ZPLD1: variants seen among roughly 807,000 people sequenced by gnomAD.
The protein encoded by ZPLD1 is zona pellucida-like domain-containing protein 1.
In ZPLD1, 34 loss-of-function variants were observed where a neutral mutation model predicts 47.2. The ratio of observed to expected loss-of-function variants is 0.72; its 90% CI spans 0.55 to 0.96. ZPLD1 has a LOEUF of 0.96. Ranked by LOEUF, ZPLD1 falls within the 40% of genes least tolerant of loss-of-function variation. The pLI is 0.00. For missense variants in ZPLD1, 512 were observed against 505.8 expected, an observed-to-expected ratio of 1.01 and a Z score of -0.12; for synonymous variants, 176 against 186.2, an observed-to-expected ratio of 0.95 and a Z score of 0.45.
chr3:102,456,844 G>A (rs1707424947), intron 5 of ZPLD1, among the ~76,000 whole-genome samples: 1 of 152,162 alleles, frequency 6.6e-6, no homozygotes, highest in African/African-American at 2.4e-5. Flanking sequence ...CAGATTCTGG[G>A]ATCTCCATTC....
intron 1 of ZPLD1, among the ~76,000 whole-genome samples, chr3:102,435,434 T>C (rs772159361): frequency 3.9e-5 from 6 of 152,204 alleles, no homozygotes; most frequent in Non-Finnish European, 7.3e-5. Flanking sequence ...CTTTGTATTG[T>C]AGCTTAGCTC....
chr3:102,433,952 C>T (rs924998034), upstream of ZPLD1, among the ~76,000 whole-genome samples: 1 of 152,104 alleles, frequency 6.6e-6, no homozygotes, highest in Non-Finnish European at 1.5e-5. Context: ...CTTAAGCATA[C>T]ATTATTAATA....
In ZPLD1 at chr3:102,385,773, T is replaced by C. The variant is rs116265692; in HGVS notation, c.-213+456T>C. On this transcript the variant is annotated intron_variant, in intron 6 of 17. Transcript: ENST00000491959. ...TTGGGACATCACTCACAGGATTTGTTTGAATTATGCTATGCATTAAATTTA... is the reference window on the plus strand; with the variant it reads ...TTGGGACATCACTCACAGGATTTGTCTGAATTATGCTATGCATTAAATTTA... Among the ~76,000 whole-genome samples the C allele has an allele frequency of 6.3e-3, 955 of 152,354 alleles. 7 individuals carry two copies. The highest frequency in any genetic ancestry group is 0.022 in the African/African-American group (908 of 41,584).
chr3:102,451,770 T>G (rs1256905060), intron 3 of ZPLD1, among the ~76,000 whole-genome samples: 1 of 152,174 alleles, frequency 6.6e-6, no homozygotes, highest in Non-Finnish European at 1.5e-5. Flanking sequence ...TCCAATCCTC[T>G]GCCTTCTCAT....
chr3:102,454,555 T>C (rs755554714), intron 4 of ZPLD1, among the ~76,000 whole-genome samples: 3 of 152,142 alleles, frequency 2.0e-5, no homozygotes, highest in Non-Finnish European at 2.9e-5. Context: ...GCTGAATAAG[T>C]CCGCTATAAA....
At position 102,439,680 on chromosome 3, in the gene ZPLD1, T is replaced by C. The variant is rs564260078; in HGVS notation, c.106+1087T>C. Among the ~76,000 whole-genome samples the C allele has an allele frequency of 5.9e-5, 9 of 152,328 alleles. No homozygotes were observed. The East Asian group carries it at 1.7e-3, about 29-fold the overall frequency. On this transcript the variant is annotated intron_variant, in intron 3 of 11. Coordinates refer to ENST00000466937, the MANE Select transcript of ZPLD1 (RefSeq NM_001329788.2). ...TATCAATTATCAACATTTATAAATT[T>C]TGTTTGATCTTTGTCCTTACCACTC...
At chr3:102,473,477 A>T (rs1576169675) in intron 10 of ZPLD1, among the ~76,000 whole-genome samples, 1 of 152,268 alleles carries the variant, frequency 6.6e-6, no homozygotes, top group Admixed American at 6.5e-5. Context: ...CCAACATGCT[A>T]GAGTTTTCTC....
chr3:102,471,847 T>C (rs930958020), intron 10 of ZPLD1, among the ~76,000 whole-genome samples: 1 of 152,232 alleles, frequency 6.6e-6, no homozygotes, highest in Non-Finnish European at 1.5e-5. Flanking sequence ...GTTTTAAGAT[T>C]TTTTCTAACA....
chr3:102,457,433 C>T lies in ZPLD1; in HGVS notation c.510-348C>T, dbSNP rs371057459. ...ATGTTCTAGCAATGAACAAAGTAAA[C>T]CAGATTCCCTGATCTCATGAAACTT... On this transcript the variant is annotated intron_variant, in intron 5 of 11. Coordinates refer to ENST00000466937, the MANE Select transcript of ZPLD1 (RefSeq NM_001329788.2). 1.2e-4 allele frequency among the ~76,000 whole-genome samples: 18 copies of T among 152,276 alleles called. No homozygotes were observed. In the East Asian group the frequency reaches 3.3e-3, roughly 28 times the overall value.
intron 3 of ZPLD1, among the ~76,000 whole-genome samples, chr3:102,444,050 G>A (rs188062827): frequency 1.3e-5 from 2 of 152,298 alleles, no homozygotes; most frequent in Admixed American, 1.3e-4. Context: ...GGAGAAGATA[G>A]CAATTAGCAA....
chr3:102,408,275 G>A (rs1158088311), intron 7 of ZPLD1, among the ~76,000 whole-genome samples: 1 of 151,698 alleles, frequency 6.6e-6, no homozygotes, highest in Non-Finnish European at 1.5e-5. Flanking sequence ...AAAAATGAAG[G>A]GCAAAAGATA....
At chr3:102,472,916 A>G (rs949151406) in intron 10 of ZPLD1, among the ~76,000 whole-genome samples, 1 of 152,236 alleles carries the variant, frequency 6.6e-6, no homozygotes, top group African/African-American at 2.4e-5. Context: ...TGTGTAATTT[A>G]TAAAGAAAAA....
intron 8 of ZPLD1, among the ~76,000 whole-genome samples, chr3:102,419,654 G>T (rs1706853129): frequency 6.6e-6 from 1 of 150,784 alleles, no homozygotes; most frequent in African/African-American, 2.4e-5. Flanking sequence ...TTTTTGCAAG[G>T]AATCTCTTTC....
intron 7 of ZPLD1, among the ~76,000 whole-genome samples, chr3:102,416,717 T>G (rs1206176804): frequency 6.6e-6 from 1 of 151,972 alleles, no homozygotes; most frequent in African/African-American, 2.4e-5. Flanking sequence ...AATGAGTGCT[T>G]AACCCCCTCA....
chr3:102,474,989 T>G (rs1236300343), intron 10 of ZPLD1, among the ~76,000 whole-genome samples: 1 of 151,992 alleles, frequency 6.6e-6, no homozygotes, highest in Non-Finnish European at 1.5e-5. Flanking sequence ...TGATTTTTTT[T>G]GTTTGTTTGT....
chr3:102,472,561 G>T (rs1424472199), intron 10 of ZPLD1, among the ~76,000 whole-genome samples: 1 of 151,482 alleles, frequency 6.6e-6, no homozygotes, highest in Non-Finnish European at 1.5e-5. Flanking sequence ...CTGGTTTGTA[G>T]CTTGTGAAAG....
Position 102,479,082 on chromosome 3 carries a change from G to A in ZPLD1, c.*1464G>A, listed in dbSNP as rs1576173268. ...CCAATTTGCCTGAATATTTCAGGAG[G>A]AAGTGTTTATATTATAATAATTAGC... On this transcript the variant is annotated 3_prime_UTR_variant, in exon 12 of 12. Coordinates refer to ENST00000466937, the MANE Select transcript of ZPLD1 (RefSeq NM_001329788.2). 1.3e-5 allele frequency: 2 copies of A among 152,288 alleles called. No homozygotes were observed. The highest frequency in any genetic ancestry group is 4.1e-4 in the South Asian group (2 of 4,832). The allele number at this position is 152,288 out of a possible 1,614,324, so 9.4% of individuals were successfully genotyped here. A position where few individuals can be genotyped will look rare whatever the true frequency, so the allele number is the denominator to read the frequency against.
intron 6 of ZPLD1, 35 bp downstream of exon 6, chr3:102,457,888 T>C: frequency 6.2e-7 from 1 of 1,607,328 alleles, no homozygotes; most frequent in Non-Finnish European, 8.5e-7. Flanking sequence ...ATTTTCTCTT[T>C]CACTGTTGTG....
In ZPLD1 at chr3:102,438,552, A is replaced by G. The variant is rs752472400; in HGVS notation, c.65A>G (p.Asn22Ser). Residue 22 changes from asparagine to serine, a missense_variant, in exon 3 of 12, where the codon AAC (asparagine) becomes AGC (serine). Coordinates refer to ENST00000466937, the MANE Select transcript of ZPLD1 (RefSeq NM_001329788.2). ...IRVLPGSAQF[N>S]GYNCDANLHS... Reference sequence around the variant, plus strand: ...GTGCTTCCGGGGTCTGCTCAGTTCAACGGCTACAACTGTGATGCCAACCTC... The same window carrying G: ...GTGCTTCCGGGGTCTGCTCAGTTCAGCGGCTACAACTGTGATGCCAACCTC... 8 of 1,613,856 alleles carry G rather than the reference A, an allele frequency of 5.0e-6. No homozygotes were observed. In the Admixed American group the frequency reaches 5.0e-5, roughly 10 times the overall value.
Sources: gnomAD v4.1 joint callset for allele counts (sites outside exome capture counted in the v4.1 genomes callset) on GRCh38, gnomAD v4.1.1 for gene constraint, MANE v1.5 for transcripts, NCBI Gene and HGNC (gene_info 2026-07-23, HGNC 2026-07-21) for gene names.